PHACTR2: variants seen among roughly 807,000 people sequenced by gnomAD.
PHACTR2 encodes phosphatase and actin regulator 2.
Under a neutral mutation model 76.0 loss-of-function variants are expected in PHACTR2, and 30 were observed. The observed-to-expected ratio is 0.39, with a 90% CI of 0.30 to 0.54. The LOEUF is 0.54. PHACTR2 is among the 20% of genes least tolerant of loss of function. The pLI is 0.61. For missense variants in PHACTR2, 696 were observed against 781.1 expected (o/e 0.89, Z 1.30); for synonymous variants, 292 against 292.5 (o/e 1.00, Z 0.02).
chr6:143,771,184 ATATATGTGTG>A lies in PHACTR2; in HGVS notation c.1233-1068_1233-1059del, dbSNP rs1456359199. 9.9e-3 allele frequency among the ~76,000 whole-genome samples: 404 copies of A among 40,664 alleles called. 3 individuals carry two copies. Among genetic ancestry groups the A allele is most frequent in the East Asian group, 0.033 (21 of 632 alleles). 26.7% of individuals were successfully genotyped at this position (40,664 alleles called of 152,430 possible). A position where few individuals can be genotyped will look rare whatever the true frequency, so the allele number is the denominator to read the frequency against. ...TATATATATATATATGTATATATAT[ATATATGTGTG>A]TATATATATATATATATATATATAT... On this transcript the variant is annotated intron_variant, in intron 6 of 12. Coordinates refer to ENST00000440869, the MANE Select transcript of PHACTR2 (RefSeq NM_001100164.2).
intron 1 of PHACTR2, among the ~76,000 whole-genome samples, chr6:143,665,688 A>G (rs112832503): frequency 2.4e-4 from 37 of 152,176 alleles, no homozygotes; most frequent in African/African-American, 6.7e-4. Flanking sequence ...CTAAGCCACT[A>G]TCATTTCTAG....
intron 1 of PHACTR2, among the ~76,000 whole-genome samples, chr6:143,699,230 G>C (rs564559302): frequency 2.0e-5 from 3 of 152,070 alleles, no homozygotes; most frequent in Non-Finnish European, 2.9e-5. Flanking sequence ...TGCAGTCCCC[G>C]TGTGGCTGGT....
At chr6:143,538,188 C>T (rs1781136633) in intron 1 of PHACTR2, among the ~76,000 whole-genome samples, 1 of 152,214 alleles carries the variant, frequency 6.6e-6, no homozygotes, top group African/African-American at 2.4e-5. Context: ...GCCCTGTGCC[C>T]CGTGCACCGG....
chr6:143,796,642 T>C (rs916546394), intron 11 of PHACTR2, among the ~76,000 whole-genome samples: 6 of 152,080 alleles, frequency 3.9e-5, no homozygotes, highest in Admixed American at 6.6e-5. Flanking sequence ...CTCCCACTTA[T>C]GAGTGAGAAC....
chr6:143,762,749 G>A (rs1349205349), intron 5 of PHACTR2, among the ~76,000 whole-genome samples: 1 of 152,102 alleles, frequency 6.6e-6, no homozygotes, highest in Non-Finnish European at 1.5e-5. Flanking sequence ...TAGACCTGTA[G>A]CTACCTAGGT....
rs1442725876 is a variant in PHACTR2, at chr6:143,780,341, G to T, written c.1646-2878G>T. ...AAACACCCATATGAGGCCAGGTAAG[G>T]TGGCTTATGCCTGTAATCCCAAAGC... On this transcript the variant is annotated intron_variant, in intron 9 of 12. Coordinates refer to ENST00000440869, the MANE Select transcript of PHACTR2 (RefSeq NM_001100164.2). The surrounding 1 kb of genome is among the most constrained non-coding windows in gnomAD (Gnocchi z 4.4). Among the ~76,000 whole-genome samples, 2 of 152,078 alleles carry T rather than the reference G, an allele frequency of 1.3e-5. No individual in the cohort carries two copies. Among genetic ancestry groups the T allele is most frequent in the East Asian group, 1.9e-4 (1 of 5,186 alleles).
rs1430921369 is a variant in PHACTR2 at position 143,827,385 on chromosome 6, A to G, written c.*3696A>G. On this transcript the variant is annotated 3_prime_UTR_variant, in exon 13 of 13. Coordinates refer to ENST00000440869, the MANE Select transcript of PHACTR2 (RefSeq NM_001100164.2). Reference sequence around the variant, plus strand: ...AAAAGGGTAGTCTTGTCTACCACAGAGGAGTATGTCCACACTTAATAATGA... The same window carrying G: ...AAAAGGGTAGTCTTGTCTACCACAGGGGAGTATGTCCACACTTAATAATGA... The G allele has an allele frequency of 1.3e-5, 2 of 151,730 alleles. No homozygotes were observed. The highest frequency in any genetic ancestry group is 2.1e-4 in the South Asian group (1 of 4,816). The allele number at this position is 151,730 out of a possible 1,614,324, so 9.4% of individuals were successfully genotyped here.
Position 143,806,864 on chromosome 6 carries a change from G to A in PHACTR2, c.1846-193G>A, listed in dbSNP as rs973184838. ...CCGAGCTACTGGGAATGCTGAGTTG[G>A]GAGGATCACTTGAGCCCAGGAGTTT... is the stretch of plus-strand genomic sequence containing the variant. On this transcript the variant is annotated intron_variant, in intron 11 of 12. Coordinates refer to ENST00000440869, the MANE Select transcript of PHACTR2 (RefSeq NM_001100164.2). This position sits in a 1 kb window ranked among gnomAD's most constrained non-coding sequence, Gnocchi z 5.8. 6.6e-6 allele frequency among the ~76,000 whole-genome samples: 1 copy of A among 151,872 alleles called. No homozygotes were observed. Among genetic ancestry groups the A allele is most frequent in the Admixed American group, 6.6e-5 (1 of 15,224 alleles).
Position 143,562,152 on chromosome 6 carries a change from T to C in PHACTR2, c.217+24945T>C, listed in dbSNP as rs1775287949. On this transcript the variant is annotated intron_variant, in intron 1 of 11. Transcript: ENST00000367584. This position sits in a 1 kb window ranked among gnomAD's most constrained non-coding sequence, Gnocchi z 5.1. Reference sequence around the variant, plus strand: ...AGCCTTGTCACAGTGCTCTCTGTTGTGTTGGAATAATCTGTTTACTTGATG... The same window carrying C: ...AGCCTTGTCACAGTGCTCTCTGTTGCGTTGGAATAATCTGTTTACTTGATG... 1 of 152,260 alleles carries C rather than the reference T, an allele frequency of 6.6e-6. No homozygotes were observed. The highest frequency in any genetic ancestry group is 1.5e-5 in the Non-Finnish European group (1 of 68,064). 9.4% of individuals were successfully genotyped at this position (152,260 alleles called of 1,614,324 possible).
chr6:143,719,379 G>T (rs1778388653), intron 2 of PHACTR2, among the ~76,000 whole-genome samples: 1 of 120,962 alleles, frequency 8.3e-6, no homozygotes, highest in Non-Finnish European at 1.7e-5. Context: ...TTGAGACAGA[G>T]TCTCACTCTC....
At chr6:143,634,682 A>G (rs1776420950) in intron 1 of PHACTR2, among the ~76,000 whole-genome samples, 1 of 152,200 alleles carries the variant, frequency 6.6e-6, no homozygotes, top group East Asian at 1.9e-4. Flanking sequence ...AGACAATAGT[A>G]TCTGTGTTAT....
rs948336904 is a variant in PHACTR2, at chr6:143,698,321, A to C, written c.47-13695A>C. On this transcript the variant is annotated intron_variant, in intron 1 of 12. Transcript: ENST00000440869. This position sits in a 1 kb window ranked among gnomAD's most constrained non-coding sequence, Gnocchi z 4.3. ...GTGGGGCATCCTCAATAACTATGTT[A>C]GAAAAAGTATAAAATCAATGCTAAA... is the stretch of plus-strand genomic sequence containing the variant. 6.6e-6 allele frequency among the ~76,000 whole-genome samples: 1 copy of C among 152,250 alleles called. No homozygotes were observed. The highest frequency in any genetic ancestry group is 2.4e-5 in the African/African-American group (1 of 41,472).
Position 143,777,235 on chromosome 6 carries a change from A to G in PHACTR2, c.1590-93A>G, listed in dbSNP as rs1775303856. On this transcript the variant is annotated intron_variant, in intron 8 of 12. Coordinates refer to ENST00000440869, the MANE Select transcript of PHACTR2 (RefSeq NM_001100164.2). This position sits in a 1 kb window ranked among gnomAD's most constrained non-coding sequence, Gnocchi z 4.6. ...TTTAAAAATGGATTTTTATTTCTCA[A>G]AACATGAAAAATAGAGCTTTGTTGT... 1.5e-6 allele frequency: 1 copy of G among 656,368 alleles called. No individual in the cohort carries two copies. The highest frequency in any genetic ancestry group is 2.6e-6 in the Non-Finnish European group (1 of 383,292). The allele number at this position is 656,368 out of a possible 1,614,324, so 40.7% of individuals were successfully genotyped here. A position where few individuals can be genotyped will look rare whatever the true frequency, so the allele number is the denominator to read the frequency against.
chr6:143,781,224 G>T (rs939149822), intron 9 of PHACTR2, among the ~76,000 whole-genome samples: 1 of 152,166 alleles, frequency 6.6e-6, no homozygotes, highest in South Asian at 2.1e-4. Context: ...AAAACTTAAA[G>T]AAATCAGTTT....
chr6:143,628,247 T>G (rs1369464584), intron 1 of PHACTR2, among the ~76,000 whole-genome samples: 2 of 152,246 alleles, frequency 1.3e-5, no homozygotes, highest in African/African-American at 4.8e-5. Context: ...AGTGCTGCTA[T>G]GAATGTTTGT....
Position 143,596,176 on chromosome 6 carries a change from C to G in PHACTR2, c.217+58969C>G, listed in dbSNP as rs1482607383. On this transcript the variant is annotated intron_variant, in intron 1 of 11. Transcript: ENST00000367584. The surrounding 1 kb of genome is among the most constrained non-coding windows in gnomAD (Gnocchi z 4.6). Reference sequence around the variant, plus strand: ...CACATGTTAATTGAATCTTGATCCTCAGGCCTGCAAAACTGGCCATGAAAA... The same window carrying G: ...CACATGTTAATTGAATCTTGATCCTGAGGCCTGCAAAACTGGCCATGAAAA... 6.6e-6 allele frequency among the ~76,000 whole-genome samples: 1 copy of G among 152,182 alleles called. No homozygotes were observed. Among genetic ancestry groups the G allele is most frequent in the Non-Finnish European group, 1.5e-5 (1 of 68,032 alleles).
At chr6:143,727,527 G>A (rs902170393) in intron 2 of PHACTR2, among the ~76,000 whole-genome samples, 1 of 145,584 alleles carries the variant, frequency 6.9e-6, no homozygotes, top group Non-Finnish European at 1.5e-5. Context: ...GTTTTTTTGA[G>A]AAACCTCCAT....
At position 143,780,598 on chromosome 6, in the gene PHACTR2, T is replaced by G. The variant is rs905549261; in HGVS notation, c.1646-2621T>G. 1.3e-5 allele frequency among the ~76,000 whole-genome samples: 2 copies of G among 152,268 alleles called. No homozygotes were observed. Among genetic ancestry groups the G allele is most frequent in the African/African-American group, 4.8e-5 (2 of 41,476 alleles). On this transcript the variant is annotated intron_variant, in intron 9 of 12. Coordinates refer to ENST00000440869, the MANE Select transcript of PHACTR2 (RefSeq NM_001100164.2). This position sits in a 1 kb window ranked among gnomAD's most constrained non-coding sequence, Gnocchi z 4.4. ...CTCCAATTGCTGGTATTTTTATACT[T>G]TTCTTTCTTCTTTTAGCTCATCCAC...
intron 5 of PHACTR2, among the ~76,000 whole-genome samples, chr6:143,762,141 G>T (rs1779457116): frequency 6.6e-6 from 1 of 152,166 alleles, no homozygotes; most frequent in African/African-American, 2.4e-5. Context: ...TGCTTAAAGT[G>T]AGGGAGGCAC....
Sources: allele counts gnomAD v4.1 joint callset (sites outside exome capture counted in the v4.1 genomes callset), GRCh38; gene constraint gnomAD v4.1.1; non-coding constraint Gnocchi (gnomAD v3.1); transcripts MANE v1.5; gene names NCBI Gene and HGNC (gene_info 2026-07-23, HGNC 2026-07-21).